The following LAMA1 variants were observed in gnomAD, a reference collection of about 807,000 sequenced individuals.
LAMA1 encodes the protein laminin subunit alpha-1.
A neutral mutation model predicts 348.7 loss-of-function variants in LAMA1; 219 were observed. The observed-to-expected ratio is 0.63, with a 90% CI of 0.56 to 0.70. The LOEUF is 0.70. Ranked by LOEUF, LAMA1 falls within the 30% of genes least tolerant of loss-of-function variation. The pLI is 0.00. For missense variants in LAMA1, 3,744 were observed against 3,888.0 expected (o/e 0.96, Z 0.99); for synonymous variants, 1,487 against 1,491.0 (o/e 1.00, Z 0.06).
In LAMA1 at chr18:7,015,723, T is replaced by C. The variant is rs1442325878; in HGVS notation, c.3125A>G (p.Gln1042Arg). The C allele has an allele frequency of 6.2e-7, 1 of 1,613,766 alleles. No homozygotes were observed. Residue 1042 changes from glutamine (Q) to arginine (R), a missense_variant and splice_region_variant, in exon 22 of 63, where the codon CAG becomes CGG. This residue lies in a region of LAMA1 where 1,529 missense variants were observed against 1,689.4 expected (regional missense o/e 0.91). Transcript: ENST00000389658. ...HWGYDAEVGC[Q>R]ACNCSLVGST... ...AAGAGCGTGGATGACAGTGCTCACC[T>C]GGCACCCCACCTCCGCATCGTAGCC...
chr18:6,945,788 C>T (rs1204376853), intron 61 of LAMA1, among the ~76,000 whole-genome samples: 1 of 152,046 alleles, frequency 6.6e-6, no homozygotes, highest in Non-Finnish European at 1.5e-5. Context: ...CAGGAGCAGC[C>T]CCCATGCAGG....
At chr18:7,100,776 G>A (rs972245299) in intron 1 of LAMA1, among the ~76,000 whole-genome samples, 33 of 152,132 alleles carry the variant, frequency 2.2e-4, no homozygotes, top group Admixed American at 9.2e-4. Flanking sequence ...TTGGGGGGCC[G>A]AGACTGGCAG....
Position 7,080,013 on chromosome 18 carries a change from C to G in LAMA1, c.307G>C (p.Glu103Gln). The change falls in exon 3 of 63, where the codon GAA becomes CAA. Residue 103 changes from glutamate (E) to glutamine (Q), a missense_variant. By Grantham distance (29) the Glu-to-Gln change is conservative. Around this residue, in one of 3 missense-constraint regions of LAMA1, gnomAD observed 1,529 missense variants for 1,689.4 expected, o/e 0.91. Coordinates refer to ENST00000389658, the MANE Select transcript of LAMA1 (RefSeq NM_005559.4). ...AGAGTGATTGTGACCCAGTGATATTCTCTCCCATTCTGAATGCTGGGACTT... is the reference window on the plus strand; with the variant it reads ...AGAGTGATTGTGACCCAGTGATATTGTCTCCCATTCTGAATGCTGGGACTT... ...WQSPSIQNGR[E>Q]YHWVTITLDL... 1 of 1,614,158 alleles carries G rather than the reference C, an allele frequency of 6.2e-7. No individual in the cohort carries two copies.
At chr18:6,997,684 A>G (rs1175919963) in intron 33 of LAMA1, 58 bp downstream of exon 33, 1 of 1,570,182 alleles carries the variant, frequency 6.4e-7, no homozygotes, top group Non-Finnish European at 8.8e-7. Context: ...ACCATTCCCA[A>G]TGACTATATC....
intron 39 of LAMA1, among the ~76,000 whole-genome samples, chr18:6,984,962 T>C (rs904713467): frequency 1.3e-5 from 2 of 152,212 alleles, no homozygotes; most frequent in Non-Finnish European, 2.9e-5. Flanking sequence ...CTTGATACTG[T>C]AGCATAATAT....
chr18:7,087,616 G>A (rs990275030), intron 1 of LAMA1, among the ~76,000 whole-genome samples: 3 of 152,180 alleles, frequency 2.0e-5, no homozygotes, highest in Non-Finnish European at 4.4e-5. Context: ...AAATGGAAAT[G>A]TTAATTCTAA....
At chr18:6,981,147 G>A (rs959140176) in intron 41 of LAMA1, among the ~76,000 whole-genome samples, 6 of 151,502 alleles carry the variant, frequency 4.0e-5, no homozygotes, top group South Asian at 4.2e-4. Flanking sequence ...TAGCTTGCTC[G>A]ATCATTTTCT....
At chr18:7,045,948 T>C (rs971766345) in intron 6 of LAMA1, among the ~76,000 whole-genome samples, 6 of 150,448 alleles carry the variant, frequency 4.0e-5, no homozygotes, top group African/African-American at 7.5e-5. Flanking sequence ...TAATTTATAA[T>C]TGCACTTTTT....
intron 3 of LAMA1, 24 bp from the exon 4 acceptor site, chr18:7,050,960 C>G: frequency 6.2e-7 from 1 of 1,613,296 alleles, no homozygotes; most frequent in Non-Finnish European, 8.5e-7. Flanking sequence ...ACTGAAAAGT[C>G]TCAATCCAGA....
intron 3 of LAMA1, among the ~76,000 whole-genome samples, chr18:7,055,102 C>T (rs988033056): frequency 6.7e-6 from 1 of 149,962 alleles, no homozygotes; most frequent in Non-Finnish European, 1.5e-5. Context: ...TCAAGTTATT[C>T]AAGGGTCAGC....
chr18:6,967,129 A>G (rs1037475515), intron 48 of LAMA1, among the ~76,000 whole-genome samples: 1 of 152,210 alleles, frequency 6.6e-6, no homozygotes, highest in African/African-American at 2.4e-5. Flanking sequence ...CAGTCTAACC[A>G]AACAGTAAAA....
rs1305229539 is a variant in LAMA1, at chr18:6,997,843, C to T, written c.4705G>A (p.Asp1569Asn). The part of the protein sequence containing the change: ...ECVGVLLNDL[D>N]EIGDAVLSLN... The stretch of plus-strand genomic sequence containing the variant: ...GAAAGAACGGCATCACCAATCTCAT[C>T]CAAGTCATTCAGCAGCACACCTACA... Residue 1569 changes from aspartate (D) to asparagine (N), a missense_variant, in exon 33 of 63, where the codon GAT becomes AAT. Coordinates refer to ENST00000389658, the MANE Select transcript of LAMA1 (RefSeq NM_005559.4). 1 of 1,614,176 alleles carries T rather than the reference C, an allele frequency of 6.2e-7. No individual in the cohort carries two copies. The highest frequency in any genetic ancestry group is 8.5e-7 in the Non-Finnish European group (1 of 1,180,034).
chr18:6,970,089 G>A (rs1298863140), intron 48 of LAMA1, among the ~76,000 whole-genome samples: 2 of 152,144 alleles, frequency 1.3e-5, no homozygotes, highest in Non-Finnish European at 2.9e-5. Context: ...TTTCATGTTA[G>A]AATTACTAAA....
At chr18:7,056,245 G>T (rs190418627) in intron 3 of LAMA1, among the ~76,000 whole-genome samples, 41 of 152,274 alleles carry the variant, frequency 2.7e-4, no homozygotes, top group Non-Finnish European at 2.4e-4. Context: ...TGCTGCACCT[G>T]TGAAACTTGA....
At chr18:7,100,506 A>G (rs2058287361) in intron 1 of LAMA1, among the ~76,000 whole-genome samples, 1 of 152,218 alleles carries the variant, frequency 6.6e-6, no homozygotes, top group Non-Finnish European at 1.5e-5. Context: ...ATATCTAAAC[A>G]AAGAATTGTA....
intron 14 of LAMA1, among the ~76,000 whole-genome samples, chr18:7,033,638 A>G (rs138466376): frequency 0.01 from 1,548 of 152,178 alleles, 21 homozygotes; most frequent in African/African-American, 0.036. Flanking sequence ...GGTGTTGCCT[A>G]TTTGGAGTTG....
chr18:7,047,016 G>C (rs988128906), intron 5 of LAMA1, among the ~76,000 whole-genome samples: 3 of 148,980 alleles, frequency 2.0e-5, no homozygotes, highest in Non-Finnish European at 4.5e-5. Flanking sequence ...AATAATAACA[G>C]TTTAGTCTTA....
rs12970004 is a variant in LAMA1 at position 6,953,057 on chromosome 18, C to T, written c.8208-2086G>A. Among the ~76,000 whole-genome samples the T allele has an allele frequency of 2.8e-4, 29 of 101,944 alleles. 2 individuals carry two copies. The highest frequency in any genetic ancestry group is 3.5e-4 in the Admixed American group (3 of 8,536). The allele number at this position is 101,944 out of a possible 152,430, so 66.9% of individuals were successfully genotyped here. ...GGGAGCCATGTCTGCCTGTGTCCGG[C>T]GGATCCACGCCATGGGAGCCATGTC... On this transcript the variant is annotated intron_variant, in intron 57 of 62. Transcript: ENST00000389658.
intron 53 of LAMA1, 139 bp from the exon 54 acceptor site, chr18:6,959,631 C>T (rs2057597975): frequency 1.2e-6 from 1 of 852,140 alleles, no homozygotes; most frequent in East Asian, 2.7e-5. Context: ...TCAGCTGTCA[C>T]AATGTTACAT....
Sources: gnomAD v4.1 joint callset for allele counts (sites outside exome capture counted in the v4.1 genomes callset) on GRCh38, gnomAD v4.1.1 for gene constraint, gnomAD v4.1.1 regional missense constraint, MANE v1.5 for transcripts, NCBI Gene and HGNC (gene_info 2026-07-23, HGNC 2026-07-21) for gene names.